ULK4: variants seen among roughly 807,000 people sequenced by gnomAD.
ULK4 encodes inactive serine/threonine-protein kinase ULK4.
In ULK4, 133 loss-of-function variants were observed where a neutral mutation model predicts 160.6. The observed-to-expected ratio is 0.83, with a 90% CI of 0.72 to 0.96. The LOEUF is 0.96. ULK4 is among the 40% of genes least tolerant of loss of function. The pLI is 0.00. For missense variants in ULK4, 1,580 were observed against 1,499.5 expected, an observed-to-expected ratio of 1.05 and a Z score of -0.89; for synonymous variants, 534 against 539.8, an observed-to-expected ratio of 0.99 and a Z score of 0.15.
At chr3:41,291,892 G>A (rs925715556) in intron 35 of ULK4, among the ~76,000 whole-genome samples, 8 of 150,432 alleles carry the variant, frequency 5.3e-5, no homozygotes, top group East Asian at 2.0e-4. Flanking sequence ...GCGCAGTGGC[G>A]CAATCTCGGC....
chr3:41,498,169 G>A (rs1441611309), intron 32 of ULK4, among the ~76,000 whole-genome samples: 2 of 152,078 alleles, frequency 1.3e-5, no homozygotes, highest in Non-Finnish European at 2.9e-5. Flanking sequence ...AATAAGTTTA[G>A]GAATTTTCAA....
chr3:41,390,837 T>C (rs938090390), intron 35 of ULK4, among the ~76,000 whole-genome samples: 1 of 152,176 alleles, frequency 6.6e-6, no homozygotes, highest in Non-Finnish European at 1.5e-5. Context: ...GAAGAATGTA[T>C]ATTCTGTTGA....
chr3:41,649,296 A>C (rs532312583), intron 30 of ULK4, among the ~76,000 whole-genome samples: 7 of 152,076 alleles, frequency 4.6e-5, no homozygotes, highest in Non-Finnish European at 1.0e-4. Context: ...AGGTGTGGCC[A>C]AGGATGCACA....
intron 16 of ULK4, among the ~76,000 whole-genome samples, chr3:41,892,277 C>CT (rs1183824562): frequency 6.6e-6 from 1 of 152,118 alleles, no homozygotes; most frequent in Non-Finnish European, 1.5e-5. Context: ...TACAAATAGC[C>CT]AACAATCACA....
chr3:41,960,576 G>C (rs561957288), intron 1 of ULK4, among the ~76,000 whole-genome samples: 12 of 152,152 alleles, frequency 7.9e-5, no homozygotes, highest in African/African-American at 2.9e-4. Context: ...TGTTGCCCAG[G>C]CTGGTCTAGA....
At chr3:41,446,244 G>T (rs1199276321) in intron 34 of ULK4, among the ~76,000 whole-genome samples, 1 of 152,206 alleles carries the variant, frequency 6.6e-6, no homozygotes, top group Admixed American at 6.5e-5. Context: ...CGAAGAGGAT[G>T]TGGAGAAATA....
chr3:41,327,750 C>T (rs1449794227), intron 35 of ULK4, among the ~76,000 whole-genome samples: 1 of 152,150 alleles, frequency 6.6e-6, no homozygotes, highest in Non-Finnish European at 1.5e-5. Flanking sequence ...CGCCATCCTG[C>T]CCCAGCAACC....
chr3:41,317,355 G>A lies in ULK4; in HGVS notation c.3679-67781C>T, dbSNP rs1273558372. ...CTCCCAAAGTGCTGGGGTTACAGGC[G>A]TGAGCCACCGCGCCCGGCCAATTAC... On this transcript the variant is annotated intron_variant, in intron 35 of 36. Coordinates refer to ENST00000301831, the MANE Select transcript of ULK4 (RefSeq NM_017886.4). 5.3e-5 allele frequency among the ~76,000 whole-genome samples: 8 copies of A among 152,244 alleles called. No individual in the cohort carries two copies. The South Asian group carries it at 1.4e-3, about 28-fold the overall frequency.
intron 35 of ULK4, among the ~76,000 whole-genome samples, chr3:41,262,963 T>C (rs534772195): frequency 3.9e-5 from 6 of 152,294 alleles, no homozygotes; most frequent in Non-Finnish European, 7.4e-5. Context: ...TTTTTGTAGA[T>C]ATAAAAATAA....
intron 33 of ULK4, among the ~76,000 whole-genome samples, chr3:41,458,502 C>T (rs542247136): frequency 2.0e-5 from 3 of 151,916 alleles, no homozygotes; most frequent in East Asian, 1.9e-4. Flanking sequence ...GTTGGGAGGC[C>T]GAGGCGGGTG....
intron 32 of ULK4, among the ~76,000 whole-genome samples, chr3:41,546,145 C>T (rs73830231): frequency 0.061 from 9,248 of 151,996 alleles, 839 homozygotes; most frequent in African/African-American, 0.2. Context: ...TCTTTCTGTA[C>T]CCCCTAAGTT....
chr3:41,770,314 G>C (rs942357460), intron 21 of ULK4, among the ~76,000 whole-genome samples: 18 of 152,082 alleles, frequency 1.2e-4, no homozygotes, highest in Non-Finnish European at 2.1e-4. Flanking sequence ...TGTGTTACAG[G>C]TTTGTGTCAA....
intron 5 of ULK4, among the ~76,000 whole-genome samples, chr3:41,927,490 C>T (rs1699426818): frequency 6.6e-6 from 1 of 152,076 alleles, no homozygotes; most frequent in Non-Finnish European, 1.5e-5. Context: ...CAAATTCACA[C>T]ATAACAATAT....
chr3:41,900,682 TCAGTAAAGTCTA>T lies in ULK4; in HGVS notation c.1287+31_1287+42del, dbSNP rs758723485. 2.1e-6 allele frequency: 3 copies of T among 1,430,126 alleles called. No individual in the cohort carries two copies. In the African/African-American group the frequency reaches 4.2e-5, roughly 20 times the overall value. The allele number at this position is 1,430,126 out of a possible 1,614,324, so 88.6% of individuals were successfully genotyped here. A position where few individuals can be genotyped will look rare whatever the true frequency, so the allele number is the denominator to read the frequency against. On this transcript the variant is annotated intron_variant, in intron 13 of 36. Coordinates refer to ENST00000301831, the MANE Select transcript of ULK4 (RefSeq NM_017886.4). Reference sequence around the variant, plus strand: ...GAAAATCTCATGCAGATTTCAGATCTCAGTAAAGTCTACAACTCAGTTGTTAGAGTGTCTTTC... The same window carrying T: ...GAAAATCTCATGCAGATTTCAGATCTCAACTCAGTTGTTAGAGTGTCTTTC...
intron 12 of ULK4, among the ~76,000 whole-genome samples, chr3:41,907,333 G>C (rs1698607952): frequency 6.6e-6 from 1 of 151,366 alleles, no homozygotes; most frequent in South Asian, 2.1e-4. Context: ...GTCTCACTCT[G>C]TCACCCAGGC....
intron 32 of ULK4, among the ~76,000 whole-genome samples, chr3:41,519,092 T>C (rs2125929943): frequency 6.6e-6 from 1 of 152,326 alleles, no homozygotes; most frequent in South Asian, 2.1e-4. Flanking sequence ...TTGAGGCTGC[T>C]GGGACATTCA....
At chr3:41,489,812 AG>A (rs2084682283) in intron 32 of ULK4, among the ~76,000 whole-genome samples, 1 of 152,164 alleles carries the variant, frequency 6.6e-6, no homozygotes. Flanking sequence ...GTAAAAGTCT[AG>A]TTACTAGATT....
At position 41,396,112 on chromosome 3, in the gene ULK4, CT is replaced by C. The variant is rs916888744; in HGVS notation, c.3678+1966del. Among the ~76,000 whole-genome samples, 10 of 152,140 alleles carry C rather than the reference CT, an allele frequency of 6.6e-5. 1 individual carries two copies. Among genetic ancestry groups the C allele is most frequent in the South Asian group, 2.1e-4 (1 of 4,824 alleles). ...ATCTAGAAAGCTCTGAAAATCCAAA[CT>C]TTTTTTCGTAAGTTTTGTTCAAAAA... On this transcript the variant is annotated intron_variant, in intron 35 of 36. Coordinates refer to ENST00000301831, the MANE Select transcript of ULK4 (RefSeq NM_017886.4).
intron 21 of ULK4, among the ~76,000 whole-genome samples, chr3:41,755,182 A>G (rs1024674708): frequency 1.3e-5 from 2 of 152,214 alleles, no homozygotes; most frequent in African/African-American, 2.4e-5. Flanking sequence ...TAATATCAGC[A>G]AGATGGCTAC....
Sources: gnomAD v4.1 joint callset for allele counts (sites outside exome capture counted in the v4.1 genomes callset) on GRCh38, gnomAD v4.1.1 for gene constraint, MANE v1.5 for transcripts, NCBI Gene and HGNC (gene_info 2026-07-23, HGNC 2026-07-21) for gene names.